Variants in MPP4 observed in about 807,000 individuals in gnomAD.
MPP4 encodes the protein MAGUK p55 scaffold protein 4, also known as MAGUK p55 subfamily member 4.
Under a neutral mutation model 98.3 loss-of-function variants are expected in MPP4, and 91 were observed. That is an observed-to-expected ratio of 0.93 (90% confidence interval 0.78 to 1.10). The LOEUF (loss-of-function observed/expected upper bound fraction) is 1.10. Ranked by LOEUF, MPP4 falls within the 50% of genes least tolerant of loss-of-function variation. The probability of loss-of-function intolerance (pLI) is 0.00; values close to 1 mark genes in which losing one functional copy is unlikely to be tolerated. For synonymous variants in MPP4, 261 were observed against 271.8 expected (o/e 0.96, Z 0.39); for missense variants, 744 against 792.9 (o/e 0.94, Z 0.74).
intron 18 of MPP4, chr2:201,651,686 G>T: frequency 6.1e-6 from 6 of 983,542 alleles, no homozygotes; most frequent in Non-Finnish European, 7.2e-6. Context: ...GGGCACAGTG[G>T]CTCACGCCTG....
chr2:201,676,398 C>T (rs970639990), intron 10 of MPP4, among the ~76,000 whole-genome samples: 15 of 152,192 alleles, frequency 9.9e-5, no homozygotes, highest in Non-Finnish European at 7.3e-5. Flanking sequence ...TCCAGGCATG[C>T]TTCCCCTCCT....
chr2:201,680,859 G>C lies in MPP4; in HGVS notation c.908C>G (p.Pro303Arg), dbSNP rs374649060. Residue 303 changes from proline (P) to arginine (R), a missense_variant, in exon 10 of 22, where the codon CCT becomes CGT. Pro to Arg is a moderately radical substitution (Grantham distance 103). Coordinates refer to ENST00000409474, the MANE Select transcript of MPP4 (RefSeq NM_033066.3). ...SDPATCAGLVPSNHLLKRKQR... is the reference protein window; with the variant it reads ...SDPATCAGLVRSNHLLKRKQR... ...TTACCTCTTCAGAAGGTGGTTAGAAGGGACAAGCCCAGCGCAGGTAGCAGG... is the reference window on the plus strand; with the variant it reads ...TTACCTCTTCAGAAGGTGGTTAGAACGGACAAGCCCAGCGCAGGTAGCAGG... 1.1e-4 allele frequency: 173 copies of C among 1,612,962 alleles called. No homozygotes were observed. Among genetic ancestry groups the C allele is most frequent in the Non-Finnish European group, 1.4e-4 (169 of 1,179,492 alleles).
intron 14 of MPP4, chr2:201,661,531 G>A (rs777875152): frequency 2.2e-6 from 1 of 456,384 alleles, no homozygotes; most frequent in South Asian, 1.5e-5. Flanking sequence ...AGTCCACAAG[G>A]GGCGTTTTAC....
At chr2:201,679,268 C>T (rs1658001009) in intron 10 of MPP4, among the ~76,000 whole-genome samples, 1 of 152,122 alleles carries the variant, frequency 6.6e-6, no homozygotes, top group Admixed American at 6.6e-5. Flanking sequence ...AAATCCAACC[C>T]TCTGTCTAAT....
At chr2:201,650,203 A>G in intron 18 of MPP4, 38 bp from the exon 19 acceptor site, 1 of 1,534,120 alleles carries the variant, frequency 6.5e-7, no homozygotes, top group South Asian at 1.3e-5. Context: ...CAGTGTCTTC[A>G]GAATTCTTTG....
At chr2:201,669,454 C>T (rs1383997260) in intron 12 of MPP4, among the ~76,000 whole-genome samples, 2 of 152,186 alleles carry the variant, frequency 1.3e-5, no homozygotes, top group South Asian at 2.1e-4. Flanking sequence ...ATGTTAAACT[C>T]TGGAGCTGCA....
chr2:201,658,415 C>G, intron 16 of MPP4, 62 bp downstream of exon 16: 1 of 1,399,966 alleles, frequency 7.1e-7, no homozygotes. Flanking sequence ...AAAACAGTGT[C>G]AGGTTTGGAA....
Position 201,654,834 on chromosome 2 carries a change from T to C in MPP4, c.1381+3A>G. The stretch of plus-strand genomic sequence containing the variant: ...ACCATTATGAAAGCAGAACTAAACA[T>C]ACGTGGCACAGCACTTTGAAAATGG... On this transcript the variant is annotated splice_donor_region_variant and intron_variant, in intron 18 of 21. Transcript: ENST00000409474. The C allele has an allele frequency of 6.3e-7, 1 of 1,595,600 alleles. No homozygotes were observed. Among genetic ancestry groups the C allele is most frequent in the Non-Finnish European group, 8.5e-7 (1 of 1,170,518 alleles).
intron 12 of MPP4, among the ~76,000 whole-genome samples, chr2:201,668,448 CTT>C (rs1688244364): frequency 7.3e-6 from 1 of 136,582 alleles, no homozygotes; most frequent in Non-Finnish European, 1.5e-5. Context: ...ATCTCTCTCT[CTT>C]TCTCTTCTCT....
intron 10 of MPP4, among the ~76,000 whole-genome samples, chr2:201,675,522 G>A (rs985008937): frequency 4.6e-5 from 7 of 152,170 alleles, no homozygotes; most frequent in Admixed American, 1.3e-4. Context: ...TGACAATCTC[G>A]CACATGATCA....
At chr2:201,675,072 G>T in intron 11 of MPP4, 135 bp downstream of exon 11, 1 of 1,032,252 alleles carries the variant, frequency 9.7e-7, no homozygotes, top group Non-Finnish European at 1.5e-6. Flanking sequence ...GGCCCTTCAA[G>T]GAGATTGATT....
At chr2:201,657,403 G>A (rs1464516605) in intron 16 of MPP4, among the ~76,000 whole-genome samples, 1 of 152,106 alleles carries the variant, frequency 6.6e-6, no homozygotes, top group Non-Finnish European at 1.5e-5. Context: ...AGTAGACAGA[G>A]TTAGCAACTC....
At chr2:201,680,527 T>C (rs1430445498) in intron 10 of MPP4, 2 of 244,574 alleles carry the variant, frequency 8.2e-6, no homozygotes, top group African/African-American at 4.4e-5. Context: ...TACTATTGCA[T>C]TGGGGATTAG....
intron 18 of MPP4, among the ~76,000 whole-genome samples, chr2:201,654,578 A>G (rs1687804667): frequency 6.6e-6 from 1 of 152,146 alleles, no homozygotes; most frequent in Non-Finnish European, 1.5e-5. Context: ...TATGTAACAA[A>G]CCTGCACGTT....
chr2:201,689,664 C>T (rs577262158), intron 4 of MPP4, among the ~76,000 whole-genome samples: 14 of 151,992 alleles, frequency 9.2e-5, no homozygotes, highest in East Asian at 7.7e-4. Context: ...AAAAGAGAGT[C>T]GAAATGACCC....
intron 20 of MPP4, 100 bp downstream of exon 20, chr2:201,649,476 A>G: frequency 1.2e-6 from 1 of 815,440 alleles, no homozygotes; most frequent in Non-Finnish European, 2.0e-6. Context: ...TTAAAAGGCT[A>G]ACAGAATAAA....
intron 14 of MPP4, among the ~76,000 whole-genome samples, chr2:201,663,201 G>T (rs1294705688): frequency 6.6e-6 from 1 of 152,142 alleles, no homozygotes; most frequent in Admixed American, 6.5e-5. Flanking sequence ...CTTTTTGTGT[G>T]TTGAAAAATG....
At chr2:201,682,755 C>A in intron 8 of MPP4, 76 bp downstream of exon 8, 1 of 1,271,834 alleles carries the variant, frequency 7.9e-7, no homozygotes, top group Non-Finnish European at 1.1e-6. Context: ...CCAGTGCACA[C>A]ACGTGGGCTT....
At position 201,645,142 on chromosome 2, in the gene MPP4, T is replaced by G; in HGVS notation, c.*68A>C. 1 of 1,350,282 alleles carries G rather than the reference T, an allele frequency of 7.4e-7. No homozygotes were observed. Among genetic ancestry groups the G allele is most frequent in the East Asian group, 2.4e-5 (1 of 41,694 alleles). 83.6% of individuals were successfully genotyped at this position (1,350,282 alleles called of 1,614,324 possible). ...TTAAAATGGGTCAAATACTGTTGTT[T>G]TAGATTGCAACTATGGATCGCTGTA... On this transcript the variant is annotated 3_prime_UTR_variant, in exon 22 of 22. Coordinates refer to ENST00000409474, the MANE Select transcript of MPP4 (RefSeq NM_033066.3).
Sources: gnomAD v4.1 joint callset for allele counts (sites outside exome capture counted in the v4.1 genomes callset) on GRCh38, gnomAD v4.1.1 for gene constraint, MANE v1.5 for transcripts, NCBI Gene and HGNC (gene_info 2026-07-23, HGNC 2026-07-21) for gene names.